ADGRL2: variants seen among roughly 807,000 people sequenced by gnomAD.
ADGRL2 encodes calcium-independent alpha-latrotoxin receptor 2.
A neutral mutation model predicts 157.4 loss-of-function variants in ADGRL2; 44 were observed. The ratio of observed to expected loss-of-function variants is 0.28; its 90% CI spans 0.22 to 0.36. The LOEUF is 0.36. Ranked by LOEUF, ADGRL2 falls within the 10% of genes least tolerant of loss-of-function variation. The pLI, the probability that ADGRL2 is intolerant of heterozygous loss-of-function variation, is 1.00. For synonymous variants in ADGRL2, 585 were observed against 624.7 expected (o/e 0.94, Z 0.95); for missense variants, 1,510 against 1,768.9 (o/e 0.85, Z 2.63).
intron 2 of ADGRL2, among the ~76,000 whole-genome samples, chr1:81,546,079 C>T (rs1398115685): frequency 6.6e-6 from 1 of 152,038 alleles, no homozygotes; most frequent in Non-Finnish European, 1.5e-5. Flanking sequence ...CTGTTTCCTG[C>T]TTTAACAATT....
intron 1 of ADGRL2, among the ~76,000 whole-genome samples, chr1:81,334,962 C>A (rs1476353373): frequency 6.6e-6 from 1 of 152,164 alleles, no homozygotes; most frequent in East Asian, 1.9e-4. Flanking sequence ...TGGGCTATGT[C>A]AAGGGCTTCA....
intron 2 of ADGRL2, among the ~76,000 whole-genome samples, chr1:81,769,082 CA>C (rs61064275): frequency 1.1e-4 from 16 of 149,348 alleles, no homozygotes; most frequent in African/African-American, 2.9e-4. Context: ...GACTCCATCT[CA>C]AAAAAAAAAT....
intron 2 of ADGRL2, among the ~76,000 whole-genome samples, chr1:81,456,058 GA>G (rs1237501132): frequency 6.6e-6 from 1 of 152,108 alleles, no homozygotes; most frequent in Non-Finnish European, 1.5e-5. Context: ...AATACATTTG[GA>G]AGGGTCTTAG....
chr1:81,721,875 A>T (rs758526954), intron 1 of ADGRL2: 1 of 767,514 alleles, frequency 1.3e-6, no homozygotes, highest in Non-Finnish European at 2.3e-6. Flanking sequence ...AAAACCTGAT[A>T]GTAAGAAGGT....
At chr1:81,986,793 A>G (rs1663266409) in intron 21 of ADGRL2, 108 bp from the exon 22 acceptor site, 10 of 1,101,120 alleles carry the variant, frequency 9.1e-6, no homozygotes, top group South Asian at 1.6e-5. Flanking sequence ...CAACTTGTCC[A>G]CTACCCTTGA....
chr1:81,416,544 T>C (rs1250270549), intron 1 of ADGRL2, among the ~76,000 whole-genome samples: 1 of 152,192 alleles, frequency 6.6e-6, no homozygotes, highest in Non-Finnish European at 1.5e-5. Flanking sequence ...ATCAGTTTCC[T>C]TTGAATATCT....
intron 2 of ADGRL2, among the ~76,000 whole-genome samples, chr1:81,578,453 G>A (rs906134875): frequency 2.0e-5 from 3 of 152,036 alleles, no homozygotes; most frequent in African/African-American, 7.2e-5. Context: ...AACAGAGGGT[G>A]GTTGTAATAC....
At chr1:81,645,393 T>C (rs911802899) in intron 3 of ADGRL2, among the ~76,000 whole-genome samples, 1 of 76,646 alleles carries the variant, frequency 1.3e-5, no homozygotes, top group African/African-American at 4.8e-5. Context: ...TGAGATCCTG[T>C]CTCAAAAAAA....
chr1:81,928,532 A>G (rs187664731), intron 3 of ADGRL2, among the ~76,000 whole-genome samples: 1 of 152,072 alleles, frequency 6.6e-6, no homozygotes, highest in Non-Finnish European at 1.5e-5. Context: ...ATTTTCTCTT[A>G]AACTCCCACT....
At chr1:81,335,018 T>G (rs182815457) in intron 1 of ADGRL2, among the ~76,000 whole-genome samples, 37 of 152,332 alleles carry the variant, frequency 2.4e-4, no homozygotes, top group African/African-American at 8.2e-4. Context: ...AAAATGAGCC[T>G]TCCTTACCTG....
chr1:81,831,194 G>T (rs546656784), intron 1 of ADGRL2, among the ~76,000 whole-genome samples: 4 of 152,106 alleles, frequency 2.6e-5, no homozygotes, highest in Non-Finnish European at 4.4e-5. Flanking sequence ...AAATATTTAT[G>T]TATTTATTCT....
At chr1:81,961,334 C>G (rs1440814444) in intron 11 of ADGRL2, among the ~76,000 whole-genome samples, 2 of 151,972 alleles carry the variant, frequency 1.3e-5, no homozygotes, top group Non-Finnish European at 2.9e-5. Flanking sequence ...TAGATAATGT[C>G]GAAGTTCCCA....
chr1:81,596,851 T>C (rs945771853), intron 3 of ADGRL2, among the ~76,000 whole-genome samples: 7 of 152,270 alleles, frequency 4.6e-5, no homozygotes, highest in African/African-American at 1.7e-4. Context: ...TTGTCTTGGC[T>C]TTTGGGTGAT....
chr1:81,907,274 A>G (rs761614080), intron 3 of ADGRL2, 44 bp downstream of exon 3: 1 of 1,475,526 alleles, frequency 6.8e-7, no homozygotes, highest in Non-Finnish European at 9.5e-7. Flanking sequence ...TATTGTATCC[A>G]AATTAGAAAA....
intron 1 of ADGRL2, among the ~76,000 whole-genome samples, chr1:81,833,156 T>A (rs1571528558): frequency 6.6e-6 from 1 of 152,218 alleles, no homozygotes; most frequent in Admixed American, 6.5e-5. Context: ...GAGACTGATT[T>A]TGTAAAGCTA....
rs1245593004 is a variant in ADGRL2, at chr1:81,992,343, G to A, written c.*1198G>A. The A allele has an allele frequency of 6.6e-6, 1 of 152,224 alleles. No individual in the cohort carries two copies. The allele number at this position is 152,224 out of a possible 1,614,324, so 9.4% of individuals were successfully genotyped here. ...TTTTTTCATCCCTTTGTGTAAACCT[G>A]TTAATAATGAGCCCATCACTAATAT... On this transcript the variant is annotated 3_prime_UTR_variant, in exon 24 of 24. Coordinates refer to ENST00000686636, the MANE Select transcript of ADGRL2 (RefSeq NM_001366006.2).
At chr1:81,837,311 G>C (rs964139034) in intron 2 of ADGRL2, among the ~76,000 whole-genome samples, 2 of 151,958 alleles carry the variant, frequency 1.3e-5, no homozygotes, top group East Asian at 3.9e-4. Context: ...AATCCCGAGG[G>C]AACTAAATGA....
chr1:81,823,063 A>G (rs2091142231), intron 1 of ADGRL2, among the ~76,000 whole-genome samples: 1 of 151,992 alleles, frequency 6.6e-6, no homozygotes, highest in Non-Finnish European at 1.5e-5. Context: ...TAATTAAAAA[A>G]TAGTCTGGCA....
At chr1:81,891,532 T>A (rs1401806475) in intron 2 of ADGRL2, among the ~76,000 whole-genome samples, 1 of 152,176 alleles carries the variant, frequency 6.6e-6, no homozygotes, top group Non-Finnish European at 1.5e-5. Flanking sequence ...CACCATATTT[T>A]AAATTTTTGA....
Sources: allele counts gnomAD v4.1 joint callset (sites outside exome capture counted in the v4.1 genomes callset), GRCh38; gene constraint gnomAD v4.1.1; transcripts MANE v1.5; gene names NCBI Gene and HGNC (gene_info 2026-07-23, HGNC 2026-07-21).